Variants in AUTS2 observed in about 807,000 individuals in gnomAD.
AUTS2 encodes activator of transcription and developmental regulator AUTS2.
In AUTS2, 17 loss-of-function variants were observed where a neutral mutation model predicts 112.4. The observed-to-expected ratio is 0.15, with a 90% confidence interval of 0.10 to 0.23. The LOEUF (loss-of-function observed/expected upper bound fraction) is 0.23. Ranked by LOEUF, AUTS2 falls within the 10% of genes least tolerant of loss-of-function variation. The probability of loss-of-function intolerance (pLI) is 1.00; values close to 1 mark genes in which losing one functional copy is unlikely to be tolerated. For missense variants in AUTS2, 1,510 were observed against 1,701.6 expected (o/e 0.89, Z 1.98); for synonymous variants, 751 against 702.7 (o/e 1.07, Z -1.09).
intron 1 of AUTS2, among the ~76,000 whole-genome samples, chr7:69,637,132 A>G (rs1043245118): frequency 1.2e-4 from 19 of 152,178 alleles, no homozygotes; most frequent in African/African-American, 4.3e-4. Flanking sequence ...ATATTTAACC[A>G]ATCTGTTATT....
At chr7:70,368,060 C>G (rs941305892) in intron 4 of AUTS2, among the ~76,000 whole-genome samples, 1 of 152,080 alleles carries the variant, frequency 6.6e-6, no homozygotes, top group Non-Finnish European at 1.5e-5. Flanking sequence ...ACCTGTATGT[C>G]TCTGGGATAG....
chr7:70,694,384 C>T lies in AUTS2; in HGVS notation c.691-4185C>T, dbSNP rs1410154354. 1.3e-5 allele frequency: 2 copies of T among 149,588 alleles called. No homozygotes were observed. Among genetic ancestry groups the T allele is most frequent in the East Asian group, 2.0e-4 (1 of 5,034 alleles). 9.3% of individuals were successfully genotyped at this position (149,588 alleles called of 1,614,324 possible). A position where few individuals can be genotyped will look rare whatever the true frequency, so the allele number is the denominator to read the frequency against. Reference sequence around the variant, plus strand: ...AAAATCCAGACTCCCGGAGCGGCTCCCTCCAGCACCGCGGCGGGCCCAGGA... The same window carrying T: ...AAAATCCAGACTCCCGGAGCGGCTCTCTCCAGCACCGCGGCGGGCCCAGGA... On this transcript the variant is annotated intron_variant, in intron 5 of 18. Transcript: ENST00000342771. This position sits in a 1 kb window ranked among gnomAD's most constrained non-coding sequence, Gnocchi z 4.1.
In AUTS2 at chr7:70,063,266, T is replaced by G. The variant is rs117355055; in HGVS notation, c.523-54866T>G. ...GCCGATGGGTTTTGGGTTTTGTTTTTTTTTTTTTCCTTCAAAATGGTTCAG... is the reference window on the plus strand; with the variant it reads ...GCCGATGGGTTTTGGGTTTTGTTTTGTTTTTTTTCCTTCAAAATGGTTCAG... On this transcript the variant is annotated intron_variant, in intron 2 of 18. Coordinates refer to ENST00000342771, the MANE Select transcript of AUTS2 (RefSeq NM_015570.4). Among the ~76,000 whole-genome samples, 537 of 152,112 alleles carry G rather than the reference T, an allele frequency of 3.5e-3. 3 individuals carry two copies. Among genetic ancestry groups the G allele is most frequent in the East Asian group, 0.012 (60 of 5,178 alleles).
At chr7:70,300,072 T>C (rs1412622487) in intron 4 of AUTS2, among the ~76,000 whole-genome samples, 1 of 152,156 alleles carries the variant, frequency 6.6e-6, no homozygotes, top group East Asian at 1.9e-4. Flanking sequence ...CATGCGTGTG[T>C]ATATGTGTAT....
At chr7:70,021,659 G>A (rs541692041) in intron 2 of AUTS2, among the ~76,000 whole-genome samples, 8 of 152,308 alleles carry the variant, frequency 5.3e-5, no homozygotes, top group South Asian at 4.1e-4. Context: ...GTGATGCCCA[G>A]CACATAGGTC....
At chr7:69,912,354 A>G (rs1480406867) in intron 2 of AUTS2, among the ~76,000 whole-genome samples, 1 of 152,012 alleles carries the variant, frequency 6.6e-6, no homozygotes, top group African/African-American at 2.4e-5. Flanking sequence ...ATGTGTGCCC[A>G]GGAGCATGAA....
At chr7:70,351,821 C>G (rs1316985809) in intron 4 of AUTS2, among the ~76,000 whole-genome samples, 1 of 152,114 alleles carries the variant, frequency 6.6e-6, no homozygotes, top group Non-Finnish European at 1.5e-5. Context: ...TGTGCCTCAG[C>G]CTCCCACGTA....
At chr7:70,642,387 TTC>T (rs1491061969) in intron 5 of AUTS2, among the ~76,000 whole-genome samples, 1 of 56,980 alleles carries the variant, frequency 1.8e-5, no homozygotes, top group Non-Finnish European at 3.7e-5. Flanking sequence ...ATAAGTCTTT[TTC>T]TATCCTTCGT....
At chr7:69,615,707 T>C (rs1244279282) in intron 1 of AUTS2, among the ~76,000 whole-genome samples, 1 of 152,196 alleles carries the variant, frequency 6.6e-6, no homozygotes, top group East Asian at 1.9e-4. Context: ...CAGACAAATA[T>C]GTATGCTCAG....
intron 1 of AUTS2, among the ~76,000 whole-genome samples, chr7:69,807,454 T>C (rs897219294): frequency 6.6e-6 from 1 of 152,124 alleles, no homozygotes; most frequent in African/African-American, 2.4e-5. Flanking sequence ...GCTTGACTTC[T>C]CTTTTGAGAT....
chr7:69,768,342 A>G (rs1020623663), intron 1 of AUTS2, among the ~76,000 whole-genome samples: 2 of 152,242 alleles, frequency 1.3e-5, no homozygotes, highest in African/African-American at 4.8e-5. Flanking sequence ...TTTTACTTAC[A>G]TAAACTCATT....
intron 7 of AUTS2, among the ~76,000 whole-genome samples, chr7:70,763,732 G>A (rs1222461601): frequency 7.2e-5 from 11 of 152,104 alleles, no homozygotes; most frequent in African/African-American, 2.7e-4. Flanking sequence ...TGCCTCTGAT[G>A]GAAGAAGTGT....
At chr7:69,871,345 C>T (rs185787109) in intron 1 of AUTS2, among the ~76,000 whole-genome samples, 119 of 152,272 alleles carry the variant, frequency 7.8e-4, no homozygotes, top group Admixed American at 1.8e-3. Flanking sequence ...CCTCTGGCTT[C>T]GTCGTAACCA....
At chr7:70,287,026 A>G (rs1788490675) in intron 4 of AUTS2, among the ~76,000 whole-genome samples, 1 of 152,180 alleles carries the variant, frequency 6.6e-6, no homozygotes, top group Non-Finnish European at 1.5e-5. Flanking sequence ...AAACTACAAG[A>G]CAATTAAGTT....
intron 2 of AUTS2, among the ~76,000 whole-genome samples, chr7:69,982,438 C>T (rs1490626181): frequency 6.6e-6 from 1 of 151,190 alleles, no homozygotes; most frequent in Non-Finnish European, 1.5e-5. Context: ...TTCTTTTCTT[C>T]ACCCCTCCTG....
chr7:70,123,158 G>GT (rs1249576720), intron 3 of AUTS2, among the ~76,000 whole-genome samples: 1 of 152,138 alleles, frequency 6.6e-6, no homozygotes, highest in African/African-American at 2.4e-5. Context: ...TTACAGGCGT[G>GT]AGCCACCATG....
chr7:70,720,893 T>C (rs953215085), intron 6 of AUTS2, among the ~76,000 whole-genome samples: 4 of 152,076 alleles, frequency 2.6e-5, no homozygotes, highest in African/African-American at 9.7e-5. Flanking sequence ...AGAAGCAGAT[T>C]GTGAACTGTA....
chr7:70,699,786 A>G (rs1809345031), intron 6 of AUTS2, among the ~76,000 whole-genome samples: 1 of 152,186 alleles, frequency 6.6e-6, no homozygotes, highest in African/African-American at 2.4e-5. Flanking sequence ...TAAAAGCCCA[A>G]TAAAAGAAGA....
intron 1 of AUTS2, among the ~76,000 whole-genome samples, chr7:69,615,772 G>A (rs562316813): frequency 6.6e-6 from 1 of 152,186 alleles, no homozygotes; most frequent in Non-Finnish European, 1.5e-5. Flanking sequence ...TTGTAAAATG[G>A]TTAGTGCTGC....
Sources: allele counts gnomAD v4.1 joint callset (sites outside exome capture counted in the v4.1 genomes callset), GRCh38; gene constraint gnomAD v4.1.1; non-coding constraint Gnocchi (gnomAD v3.1); transcripts MANE v1.5; gene names NCBI Gene and HGNC (gene_info 2026-07-23, HGNC 2026-07-21).